Variants in GMEB2 observed in about 807,000 individuals in gnomAD.
GMEB2 encodes the protein glucocorticoid modulatory element-binding protein 2.
GMEB2 carries 7 observed loss-of-function variants against 45.7 expected under a neutral mutation model. That is an observed-to-expected ratio of 0.15 (90% CI 0.09 to 0.29). The LOEUF (loss-of-function observed/expected upper bound fraction) is 0.29, where lower values mean the gene tolerates loss of function less well. Among genes scored for constraint, GMEB2 ranks in the 10% least tolerant of loss-of-function variants. The pLI is 1.00. For synonymous variants in GMEB2, 322 were observed against 323.6 expected (o/e 1.00, Z 0.05); for missense variants, 582 against 739.2 (o/e 0.79, Z 2.47).
Position 63,592,548 on chromosome 20 carries a change from G to A in GMEB2, c.814C>T (p.Pro272Ser). 1.9e-6 allele frequency: 3 copies of A among 1,611,838 alleles called. No individual in the cohort carries two copies. The highest frequency in any genetic ancestry group is 2.5e-6 in the Non-Finnish European group (3 of 1,178,538). Residue 272 changes from proline (P) to serine (S), a missense_variant, in exon 8 of 10, where the codon CCC becomes TCC. By Grantham distance (74) the Pro-to-Ser change is moderately conservative. Transcript: ENST00000370077. This position sits in a 1 kb window ranked among gnomAD's most constrained non-coding sequence, Gnocchi z 8.2. The part of the protein sequence containing the change: ...RGLQQRVQDP[P>S]LQLRDAVLLN... ...AGCTTCTCACCTCGAAGCTGCAGGG[G>A]AGGGTCCTGGACCCGCTGCTGCAGG... is the stretch of plus-strand genomic sequence containing the variant.
At chr20:63,622,100 G>C (rs2089645354) in intron 1 of GMEB2, among the ~76,000 whole-genome samples, 1 of 152,140 alleles carries the variant, frequency 6.6e-6, no homozygotes, top group Admixed American at 6.6e-5. Context: ...CTGCGCTCCA[G>C]CCTGGGCAAC....
intron 2 of GMEB2, among the ~76,000 whole-genome samples, chr20:63,606,000 A>G (rs2089516104): frequency 6.6e-6 from 1 of 152,094 alleles, no homozygotes; most frequent in Non-Finnish European, 1.5e-5. Context: ...GGATTCATGG[A>G]GGCAGCGAGT....
intron 4 of GMEB2, among the ~76,000 whole-genome samples, chr20:63,600,093 G>A (rs1037931621): frequency 1.3e-5 from 2 of 151,810 alleles, no homozygotes; most frequent in African/African-American, 4.8e-5. Flanking sequence ...CCAGGCTGGA[G>A]TGCACTGGTG....
At chr20:63,594,920 T>C (rs932942146) in intron 6 of GMEB2, among the ~76,000 whole-genome samples, 2 of 152,182 alleles carry the variant, frequency 1.3e-5, no homozygotes, top group African/African-American at 4.8e-5. Context: ...GGCTAACTTC[T>C]GTACTTTTAA....
rs566684913 is a variant in GMEB2, at chr20:63,607,201, C to A, written c.132-2361G>T. On this transcript the variant is annotated intron_variant, in intron 2 of 9. Transcript: ENST00000370077. ...CATTTCCAGAAACATGCCCCTCTGA[C>A]CCACCTCCATTTCTAGAAACATGCC... Among the ~76,000 whole-genome samples, 11 of 125,198 alleles carry A rather than the reference C, an allele frequency of 8.8e-5. No homozygotes were observed. The East Asian group carries it at 2.3e-3, about 26-fold the overall frequency. The allele number at this position is 125,198 out of a possible 152,430, so 82.1% of individuals were successfully genotyped here. A position where few individuals can be genotyped will look rare whatever the true frequency, so the allele number is the denominator to read the frequency against.
At chr20:63,620,622 G>A (rs957381488) in intron 1 of GMEB2, among the ~76,000 whole-genome samples, 3 of 152,216 alleles carry the variant, frequency 2.0e-5, no homozygotes, top group Admixed American at 6.5e-5. Flanking sequence ...TCTCAGATGG[G>A]CCCCAGTGGC....
At chr20:63,605,253 C>G (rs2146072850) in intron 2 of GMEB2, among the ~76,000 whole-genome samples, 1 of 151,574 alleles carries the variant, frequency 6.6e-6, no homozygotes, top group South Asian at 2.1e-4. Flanking sequence ...AACAAAAAGG[C>G]CAGGTGCGGT....
At chr20:63,596,506 A>G (rs1601009060) in intron 5 of GMEB2, among the ~76,000 whole-genome samples, 1 of 152,200 alleles carries the variant, frequency 6.6e-6, no homozygotes, top group Admixed American at 6.5e-5. Flanking sequence ...GGACTTGCCT[A>G]CCTGGCCGGT....
intron 2 of GMEB2, among the ~76,000 whole-genome samples, chr20:63,608,990 T>C (rs1196462821): frequency 2.7e-5 from 1 of 36,538 alleles, no homozygotes. Context: ...TCTAGAAACA[T>C]GCCCCTCTGA....
intron 5 of GMEB2, among the ~76,000 whole-genome samples, chr20:63,597,538 C>G (rs1569050072): frequency 6.6e-6 from 1 of 152,300 alleles, no homozygotes; most frequent in Non-Finnish European, 1.5e-5. Context: ...AAATGACTGA[C>G]AAAACAATTC....
chr20:63,618,996 C>T lies in GMEB2; in HGVS notation c.131+271G>A, dbSNP rs372622377. 5.3e-5 allele frequency among the ~76,000 whole-genome samples: 8 copies of T among 152,352 alleles called. No individual in the cohort carries two copies. The East Asian group carries it at 1.5e-3, about 29-fold the overall frequency. On this transcript the variant is annotated intron_variant, in intron 2 of 9. Coordinates refer to ENST00000370077, the MANE Select transcript of GMEB2 (RefSeq NM_012384.5). Reference sequence around the variant, plus strand: ...CTCTGACATCCCTACCACTCCCTCTCACATGAGAAATCACGGCCTTTCAGG... The same window carrying T: ...CTCTGACATCCCTACCACTCCCTCTTACATGAGAAATCACGGCCTTTCAGG...
chr20:63,612,383 G>A (rs777698275), intron 2 of GMEB2, among the ~76,000 whole-genome samples: 8 of 152,122 alleles, frequency 5.3e-5, no homozygotes, highest in Non-Finnish European at 8.8e-5. Context: ...AGGGGAAGTC[G>A]CTAGGTTTTA....
In GMEB2 at chr20:63,604,595, T is replaced by C; in HGVS notation, c.229+148A>G. 4.9e-6 allele frequency: 3 copies of C among 610,962 alleles called. No homozygotes were observed. The South Asian group carries it at 5.6e-5, about 11-fold the overall frequency. The allele number at this position is 610,962 out of a possible 1,614,324, so 37.8% of individuals were successfully genotyped here. ...GGTTCCACCTGGGGGACCTGGGGCC[T>C]GGCCTCTCACTCCTAAGGGCACACA... On this transcript the variant is annotated intron_variant, in intron 3 of 9. Transcript: ENST00000370077.
intron 4 of GMEB2, among the ~76,000 whole-genome samples, chr20:63,599,615 C>T (rs1165328632): frequency 6.6e-6 from 1 of 152,194 alleles, no homozygotes; most frequent in Non-Finnish European, 1.5e-5. Flanking sequence ...TGCTACTGAG[C>T]GATCCGTCTC....
Position 63,590,677 on chromosome 20 carries a change from G to T in GMEB2, c.1005C>A (p.His335Gln). ...EHRRRAKELK[H>Q]KSQHLSNVLM... The stretch of plus-strand genomic sequence containing the variant: ...GCACGTTGCTGAGGTGCTGGGACTT[G>T]TGCTTCAGCTCCTTGGCTCGGCGAC... The change falls in exon 10 of 10, where the codon CAC becomes CAA. Residue 335 changes from histidine to glutamine, a missense_variant. By Grantham distance (24) the His-to-Gln change is conservative. This residue lies in a region of GMEB2 where 462 missense variants were observed against 586.7 expected (regional missense o/e 0.79). Transcript: ENST00000370077. 6.5e-7 allele frequency: 1 copy of T among 1,540,840 alleles called. No homozygotes were observed. Among genetic ancestry groups the T allele is most frequent in the Non-Finnish European group, 8.8e-7 (1 of 1,141,496 alleles).
chr20:63,592,449 T>C lies in GMEB2; in HGVS notation c.829+84A>G. 9.4e-7 allele frequency: 1 copy of C among 1,067,178 alleles called. No homozygotes were observed. The allele number at this position is 1,067,178 out of a possible 1,614,324, so 66.1% of individuals were successfully genotyped here. A position where few individuals can be genotyped will look rare whatever the true frequency, so the allele number is the denominator to read the frequency against. The stretch of plus-strand genomic sequence containing the variant: ...TCCAACCCAGCAGCACAGAAGGGCC[T>C]AGGGGCAGGAGGGCCAGTGGCCTCA... On this transcript the variant is annotated intron_variant, in intron 8 of 9. Transcript: ENST00000370077. The surrounding 1 kb of genome is among the most constrained non-coding windows in gnomAD (Gnocchi z 8.2).
In GMEB2 at chr20:63,604,820, T is replaced by C. The variant is rs1158812321; in HGVS notation, c.152A>G (p.Asn51Ser). 6.2e-7 allele frequency: 1 copy of C among 1,609,078 alleles called. No homozygotes were observed. Among genetic ancestry groups the C allele is most frequent in the East Asian group, 2.2e-5 (1 of 44,850 alleles). ...APHGGDLTED[N>S]METENAAAAA... The stretch of plus-strand genomic sequence containing the variant: ...TGCCGCTGCATTTTCTGTCTCCATG[T>C]TATCTTCCGTCAGGTCGCCCCTGGT... The change falls in exon 3 of 10, where the codon AAC becomes AGC. Residue 51 changes from asparagine to serine, a missense_variant. Around this residue, in one of 3 missense-constraint regions of GMEB2, gnomAD observed 114 missense variants for 123.4 expected, o/e 0.92. Coordinates refer to ENST00000370077, the MANE Select transcript of GMEB2 (RefSeq NM_012384.5).
Position 63,614,843 on chromosome 20 carries a change from C to T in GMEB2, c.131+4424G>A, listed in dbSNP as rs868646129. The stretch of plus-strand genomic sequence containing the variant: ...GGAAGGGCCCCCTGGCCAGTGGGCA[C>T]GTGACCCACATGACCTTACCTATCA... On this transcript the variant is annotated intron_variant, in intron 2 of 9. Coordinates refer to ENST00000370077, the MANE Select transcript of GMEB2 (RefSeq NM_012384.5). Among the ~76,000 whole-genome samples, 4 of 152,330 alleles carry T rather than the reference C, an allele frequency of 2.6e-5. 1 individual carries two copies. The highest frequency in any genetic ancestry group is 6.8e-3 in the Middle Eastern group (2 of 294).
At position 63,593,077 on chromosome 20, in the gene GMEB2, C is replaced by A. The variant is rs1302945719; in HGVS notation, c.625G>T (p.Gly209Trp). Residue 209 changes from glycine (G) to tryptophan (W), a missense_variant, in exon 7 of 10, where the codon GGG (glycine) becomes TGG (tryptophan). Gly to Trp is a radical substitution (Grantham distance 184). Coordinates refer to ENST00000370077, the MANE Select transcript of GMEB2 (RefSeq NM_012384.5). This position sits in a 1 kb window ranked among gnomAD's most constrained non-coding sequence, Gnocchi z 4.7. ...PLTPAAADVN[G>W]SPATITIETC... Reference sequence around the variant, plus strand: ...TCTATGGTGATGGTCGCAGGAGACCCATTCACTGCAGCCGAAAGGGAACCT... The same window carrying A: ...TCTATGGTGATGGTCGCAGGAGACCAATTCACTGCAGCCGAAAGGGAACCT... The A allele has an allele frequency of 1.0e-5, 16 of 1,607,936 alleles. No individual in the cohort carries two copies. Among genetic ancestry groups the A allele is most frequent in the Non-Finnish European group, 1.4e-5 (16 of 1,175,408 alleles).
Sources: gnomAD v4.1 joint callset for allele counts (sites outside exome capture counted in the v4.1 genomes callset) on GRCh38, gnomAD v4.1.1 for gene constraint, gnomAD v4.1.1 regional missense constraint, Gnocchi (gnomAD v3.1) non-coding constraint, MANE v1.5 for transcripts, NCBI Gene and HGNC (gene_info 2026-07-23, HGNC 2026-07-21) for gene names.